The following TBC1D17 variants were observed in gnomAD, a reference collection of about 807,000 sequenced individuals.
The protein encoded by TBC1D17 is TBC1 domain family, member 17.
TBC1D17 carries 69 observed loss-of-function variants against 78.8 expected under a neutral mutation model. That is an observed-to-expected ratio of 0.88 (90% CI 0.72 to 1.07). The LOEUF is 1.07. Ranked by LOEUF, TBC1D17 falls within the 50% of genes least tolerant of loss-of-function variation. The pLI is 0.00. For missense variants in TBC1D17, 957 were observed against 861.0 expected, an observed-to-expected ratio of 1.11 and a Z score of -1.39; for synonymous variants, 456 against 358.3, an observed-to-expected ratio of 1.27 and a Z score of -3.08.
At chr19:49,879,305 CTGA>C (rs2074989191) in intron 3 of TBC1D17, 1 of 152,292 alleles carries the variant, frequency 6.6e-6, no homozygotes, top group South Asian at 2.1e-4. Context: ...TCCATTGGAG[CTGA>C]TGAGTTCCAC....
At chr19:49,883,854 C>G in intron 10 of TBC1D17, 109 bp downstream of exon 10, 2 of 927,080 alleles carry the variant, frequency 2.2e-6, no homozygotes, top group East Asian at 2.5e-5. Flanking sequence ...TCCCCAAGAC[C>G]AGTGAGAGGG....
intron 3 of TBC1D17, chr19:49,879,571 A>T (rs2074991693): frequency 6.6e-6 from 1 of 152,070 alleles, no homozygotes; most frequent in African/African-American, 2.4e-5. Flanking sequence ...GAAACCTGGG[A>T]AATGTAGTGT....
Position 49,882,752 on chromosome 19 carries a change from C to G in TBC1D17, c.799-12C>G, listed in dbSNP as rs1165263879. On this transcript the variant is annotated splice_polypyrimidine_tract_variant and intron_variant, in intron 7 of 16. Coordinates refer to ENST00000221543, the MANE Select transcript of TBC1D17 (RefSeq NM_024682.3). Reference sequence around the variant, plus strand: ...CCGCCGAGCCCCAGGCTCATTTGCTCTTTGCCTGCAGGTGGAGCTGGGGCC... The same window carrying G: ...CCGCCGAGCCCCAGGCTCATTTGCTGTTTGCCTGCAGGTGGAGCTGGGGCC... 9 of 1,549,104 alleles carry G rather than the reference C, an allele frequency of 5.8e-6. No individual in the cohort carries two copies. Among genetic ancestry groups the G allele is most frequent in the African/African-American group, 4.1e-5 (3 of 72,590 alleles).
chr19:49,883,806 G>A (rs2075036419), intron 10 of TBC1D17, 61 bp downstream of exon 10: 3 of 1,441,960 alleles, frequency 2.1e-6, no homozygotes, highest in Admixed American at 1.7e-5. Context: ...AGGGCCTCAG[G>A]CATAAGTGCG....
chr19:49,888,343 C>T, intron 16 of TBC1D17, 26 bp downstream of exon 16: 1 of 1,544,154 alleles, frequency 6.5e-7, no homozygotes, highest in Non-Finnish European at 8.7e-7. Context: ...CCCCGCAGCG[C>T]CCCGCCCGAA....
chr19:49,878,336 C>A, intron 2 of TBC1D17, 95 bp downstream of exon 2: 2 of 1,295,772 alleles, frequency 1.5e-6, no homozygotes, highest in South Asian at 1.3e-5. Context: ...GTCTGGCGGT[C>A]AGCAGTGGGA....
In TBC1D17 at chr19:49,882,075, C is replaced by T. The variant is rs763801107; in HGVS notation, c.562C>T (p.Pro188Ser). The T allele has an allele frequency of 4.3e-6, 7 of 1,614,018 alleles. No homozygotes were observed. The highest frequency in any genetic ancestry group is 3.3e-4 in the Middle Eastern group (2 of 6,084). The change falls in exon 6 of 17, where the codon CCC becomes TCC. Residue 188 changes from proline to serine, a missense_variant. Pro to Ser is a moderately conservative substitution (Grantham distance 74). Coordinates refer to ENST00000221543, the MANE Select transcript of TBC1D17 (RefSeq NM_024682.3). ...GGACTCCCGCCTCTACCTTGTCTTC[C>T]CCCACGACTCCTCTGCTCTCTCCAA... ...PQDSRLYLVF[P>S]HDSSALSNSF... is the part of the protein sequence containing the mutation.
intron 14 of TBC1D17, 37 bp from the exon 15 acceptor site, chr19:49,887,681 T>C: frequency 6.2e-7 from 1 of 1,610,736 alleles, no homozygotes; most frequent in Non-Finnish European, 8.5e-7. Context: ...CAGGCTGGGC[T>C]ATGACCTCCC....
At chr19:49,884,132 A>G in intron 10 of TBC1D17, 121 bp from the exon 11 acceptor site, 1 of 895,108 alleles carries the variant, frequency 1.1e-6, no homozygotes, top group Non-Finnish European at 1.8e-6. Flanking sequence ...CTTCTCCCCC[A>G]GAGCAAACCC....
At chr19:49,878,684 T>A (rs1471796408) in intron 3 of TBC1D17, 112 bp downstream of exon 3, 18 of 1,025,414 alleles carry the variant, frequency 1.8e-5, no homozygotes, top group Non-Finnish European at 2.7e-5. Context: ...GGGGCATGTG[T>A]GACCCTGTTT....
At chr19:49,885,760 C>T (rs866780209) in intron 13 of TBC1D17, among the ~76,000 whole-genome samples, 14 of 151,546 alleles carry the variant, frequency 9.2e-5, no homozygotes, top group Middle Eastern at 3.4e-3. Flanking sequence ...TCACTTGAGG[C>T]CAGGAGTTCC....
chr19:49,877,873 C>G (rs571555839), intron 1 of TBC1D17, 129 bp downstream of exon 1: 3 of 1,173,448 alleles, frequency 2.6e-6, no homozygotes, highest in East Asian at 5.2e-5. Flanking sequence ...CTCTTATAAA[C>G]GCGCCGTCAC....
chr19:49,881,852 C>G (rs1376416813), intron 5 of TBC1D17, among the ~76,000 whole-genome samples, 189 bp from the exon 6 acceptor site: 1 of 152,142 alleles, frequency 6.6e-6, no homozygotes, highest in African/African-American at 2.4e-5. Flanking sequence ...CCTCATTGGC[C>G]AGCCCCGAGT....
chr19:49,882,490 G>A (rs1034595697), intron 7 of TBC1D17, 90 bp downstream of exon 7: 2 of 1,529,082 alleles, frequency 1.3e-6, no homozygotes, highest in African/African-American at 1.4e-5. Flanking sequence ...TTCCTCTTTG[G>A]TAAAACGGGG....
rs756728908 is a variant in TBC1D17 at position 49,887,769 on chromosome 19, G to A, written c.1594G>A (p.Ala532Thr). 1 of 1,613,234 alleles carries A rather than the reference G, an allele frequency of 6.2e-7. No homozygotes were observed. The highest frequency in any genetic ancestry group is 2.2e-5 in the East Asian group (1 of 44,862). Residue 532 changes from alanine to threonine, a missense_variant, in exon 15 of 17, where the codon GCC becomes ACC. Ala to Thr is a moderately conservative substitution (Grantham distance 58). Transcript: ENST00000221543. Reference sequence around the variant, plus strand: ...CAATCTGCACCTGCTGGTGGCCTGCGCCATCCTGGACATGGAGAGGGACAC... The same window carrying A: ...CAATCTGCACCTGCTGGTGGCCTGCACCATCCTGGACATGGAGAGGGACAC... Reference protein sequence around the residue: ...GPNLHLLVACAILDMERDTLM... With the variant: ...GPNLHLLVACTILDMERDTLM...
chr19:49,881,202 G>C, intron 4 of TBC1D17, 66 bp from the exon 5 acceptor site: 1 of 1,451,974 alleles, frequency 6.9e-7, no homozygotes, highest in African/African-American at 1.4e-5. Flanking sequence ...AACATCCTGG[G>C]TTGTGGTTGA....
Position 49,878,208 on chromosome 19 carries a change from T to C in TBC1D17, c.87T>C (p.Ser29=). The change falls in exon 2 of 17, where the codon TCT becomes TCC. Residue 29 remains serine, a synonymous_variant. Coordinates refer to ENST00000221543, the MANE Select transcript of TBC1D17 (RefSeq NM_024682.3). ...TSAKKYQDRD[S]LIAGVIRVVE... ...CTAAGAAGTATCAGGACCGAGACTC[T>C]CTCATCGCTGGTGTCATCCGTGTCG... 6 of 1,565,604 alleles carry C rather than the reference T, an allele frequency of 3.8e-6. No individual in the cohort carries two copies. Among genetic ancestry groups the C allele is most frequent in the Non-Finnish European group, 5.2e-6 (6 of 1,155,214 alleles).
chr19:49,888,073 C>G (rs1164608699), intron 15 of TBC1D17, 158 bp from the exon 16 acceptor site: 8 of 1,244,806 alleles, frequency 6.4e-6, no homozygotes, highest in African/African-American at 3.0e-5. Context: ...TCAGAATGCT[C>G]CCGGAGGCCT....
chr19:49,887,418 C>A, intron 13 of TBC1D17, 58 bp from the exon 14 acceptor site: 1 of 1,551,256 alleles, frequency 6.4e-7, no homozygotes, highest in Non-Finnish European at 8.8e-7. Flanking sequence ...AGGATGACTT[C>A]TCAAACTCTC....
Sources: allele counts gnomAD v4.1 joint callset (sites outside exome capture counted in the v4.1 genomes callset), GRCh38; gene constraint gnomAD v4.1.1; transcripts MANE v1.5; gene names NCBI Gene and HGNC (gene_info 2026-07-23, HGNC 2026-07-21).